The following NFIX variants were observed in gnomAD, a reference collection of about 807,000 sequenced individuals.
NFIX encodes the protein nuclear factor I X.
A neutral mutation model predicts 53.3 loss-of-function variants in NFIX; 2 were observed. That is an observed-to-expected ratio of 0.04 (90% CI 0.02 to 0.12). NFIX has a LOEUF of 0.12. Ranked by LOEUF, NFIX falls within the 10% of genes least tolerant of loss-of-function variation. The probability of loss-of-function intolerance (pLI) is 1.00; values close to 1 mark genes in which losing one functional copy is unlikely to be tolerated. For missense variants in NFIX, 310 were observed against 674.5 expected (o/e 0.46, Z 5.99); for synonymous variants, 244 against 289.0 (o/e 0.84, Z 1.58).
Position 13,012,054 on chromosome 19 carries a change from A to T in NFIX, c.28-12967A>T, listed in dbSNP as rs2012378072. On this transcript the variant is annotated intron_variant, in intron 1 of 10. Coordinates refer to ENST00000592199, the MANE Select transcript of NFIX (RefSeq NM_001365902.3). The surrounding 1 kb of genome is among the most constrained non-coding windows in gnomAD (Gnocchi z 5.0). ...ACAGCACATGCCTGGACCGTGCAGG[A>T]GGCCCAGAACCGGGGCGCGAAGGGG... The T allele has an allele frequency of 6.6e-6, 1 of 152,260 alleles. No homozygotes were observed. Among genetic ancestry groups the T allele is most frequent in the African/African-American group, 2.4e-5 (1 of 41,432 alleles). The allele number at this position is 152,260 out of a possible 1,614,324, so 9.4% of individuals were successfully genotyped here. A position where few individuals can be genotyped will look rare whatever the true frequency, so the allele number is the denominator to read the frequency against.
In NFIX at chr19:13,024,571, G is replaced by T. The variant is rs908375112; in HGVS notation, c.28-450G>T. On this transcript the variant is annotated intron_variant, in intron 1 of 10. Transcript: ENST00000592199. The stretch of plus-strand genomic sequence containing the variant: ...CACGCCCCCGCGTGTGCGTCCACGG[G>T]CGTCTGTGCAGACGGACACTGTGCC... 4 of 1,534,850 alleles carry T rather than the reference G, an allele frequency of 2.6e-6. No homozygotes were observed. In the East Asian group the frequency reaches 9.8e-5, roughly 38 times the overall value.
intron 1 of NFIX, among the ~76,000 whole-genome samples, chr19:13,018,020 G>A (rs952309028): frequency 6.6e-6 from 1 of 152,362 alleles, no homozygotes; most frequent in Admixed American, 6.5e-5. Context: ...GGAGAAGAGA[G>A]CTTTGGCCTT....
intron 2 of NFIX, among the ~76,000 whole-genome samples, chr19:13,031,923 G>A (rs541009756): frequency 6.6e-6 from 1 of 152,218 alleles, no homozygotes; most frequent in African/African-American, 2.4e-5. Flanking sequence ...TAGGGAAGAA[G>A]GTGACTCCCT....
At position 13,078,161 on chromosome 19, in the gene NFIX, C is replaced by T. The variant is rs1440748506; in HGVS notation, c.956-452C>T. 6.6e-6 allele frequency among the ~76,000 whole-genome samples: 1 copy of T among 152,162 alleles called. No individual in the cohort carries two copies. The highest frequency in any genetic ancestry group is 1.5e-5 in the Non-Finnish European group (1 of 68,006). ...CCTGGCTTCTTCCCACCAGAACCTC[C>T]CATGGCCCCGGGCACCATGGCATAG... On this transcript the variant is annotated intron_variant, in intron 6 of 10. Transcript: ENST00000592199. This position sits in a 1 kb window ranked among gnomAD's most constrained non-coding sequence, Gnocchi z 4.7.
At position 13,001,635 on chromosome 19, in the gene NFIX, C is replaced by T. The variant is rs763951104; in HGVS notation, c.27+5771C>T. On this transcript the variant is annotated intron_variant, in intron 1 of 10. Coordinates refer to ENST00000592199, the MANE Select transcript of NFIX (RefSeq NM_001365902.3). The surrounding 1 kb of genome is among the most constrained non-coding windows in gnomAD (Gnocchi z 6.5). ...TGTCTCACACACGTGTTGGCCTGTC[C>T]GTGTCAACTTGTGTCCACATACGTG... Among the ~76,000 whole-genome samples, 6 of 152,152 alleles carry T rather than the reference C, an allele frequency of 3.9e-5. No homozygotes were observed. Among genetic ancestry groups the T allele is most frequent in the African/African-American group, 1.2e-4 (5 of 41,434 alleles).
Position 13,002,766 on chromosome 19 carries a change from C to A in NFIX, c.27+6902C>A, listed in dbSNP as rs1476798992. Among the ~76,000 whole-genome samples, 4 of 152,176 alleles carry A rather than the reference C, an allele frequency of 2.6e-5. No individual in the cohort carries two copies. Among genetic ancestry groups the A allele is most frequent in the African/African-American group, 9.7e-5 (4 of 41,446 alleles). On this transcript the variant is annotated intron_variant, in intron 1 of 10. Transcript: ENST00000592199. The surrounding 1 kb of genome is among the most constrained non-coding windows in gnomAD (Gnocchi z 6.1). ...CAGCCAATCGGAAGCCGGGGTTGCA[C>A]TGGGGAGCTCTCCCCCCACTGGGCC...
Position 13,002,127 on chromosome 19 carries a change from G to A in NFIX, c.27+6263G>A, listed in dbSNP as rs2011738360. Among the ~76,000 whole-genome samples the A allele has an allele frequency of 6.6e-6, 1 of 152,026 alleles. No individual in the cohort carries two copies. Among genetic ancestry groups the A allele is most frequent in the Admixed American group, 6.5e-5 (1 of 15,282 alleles). On this transcript the variant is annotated intron_variant, in intron 1 of 10. Coordinates refer to ENST00000592199, the MANE Select transcript of NFIX (RefSeq NM_001365902.3). This position sits in a 1 kb window ranked among gnomAD's most constrained non-coding sequence, Gnocchi z 6.1. ...CAGGCCCTGGGCCCCACACCCCTGG[G>A]CCACCCGCCATCCCTCCGAGGCTCT...
In NFIX at chr19:13,078,999, A is replaced by G. The variant is rs1399179027; in HGVS notation, c.1078+264A>G. 6.6e-6 allele frequency among the ~76,000 whole-genome samples: 1 copy of G among 152,176 alleles called. No homozygotes were observed. The highest frequency in any genetic ancestry group is 1.9e-4 in the East Asian group (1 of 5,186). On this transcript the variant is annotated intron_variant, in intron 7 of 10. Transcript: ENST00000592199. The surrounding 1 kb of genome is among the most constrained non-coding windows in gnomAD (Gnocchi z 4.7). ...CACTCCTCACGTGCATGGGTGCTAC[A>G]TACAACACAAGCCTGTCCCGAGTCC... is the stretch of plus-strand genomic sequence containing the variant.
intron 1 of NFIX, chr19:13,024,493 C>T: frequency 6.7e-7 from 1 of 1,495,824 alleles, no homozygotes. Context: ...CATTTTCTGT[C>T]TTCTTGGGGG....
At chr19:13,010,845 A>C (rs940692503) in intron 1 of NFIX, among the ~76,000 whole-genome samples, 3 of 152,130 alleles carry the variant, frequency 2.0e-5, no homozygotes, top group African/African-American at 7.2e-5. Context: ...GCCGGCAGGG[A>C]AGGGAGGCCT....
rs2011531282 is a variant in NFIX at position 12,998,040 on chromosome 19, C to T, written c.27+2176C>T. On this transcript the variant is annotated intron_variant, in intron 1 of 10. Coordinates refer to ENST00000592199, the MANE Select transcript of NFIX (RefSeq NM_001365902.3). The surrounding 1 kb of genome is among the most constrained non-coding windows in gnomAD (Gnocchi z 4.4). The stretch of plus-strand genomic sequence containing the variant: ...TGGGGTCTGGCCTGCCCCTCCCTAA[C>T]AATCACATCTCTGTTTTTACAAATC... 6.6e-6 allele frequency among the ~76,000 whole-genome samples: 1 copy of T among 152,166 alleles called. No individual in the cohort carries two copies. The highest frequency in any genetic ancestry group is 1.5e-5 in the Non-Finnish European group (1 of 68,018).
Position 13,051,927 on chromosome 19 carries a change from C to T in NFIX, c.560-21120C>T, listed in dbSNP as rs192699149. 4.1e-4 allele frequency among the ~76,000 whole-genome samples: 63 copies of T among 152,338 alleles called. 1 individual carries two copies. In the Middle Eastern group the frequency reaches 0.027, roughly 66 times the overall value. On this transcript the variant is annotated intron_variant, in intron 2 of 10. Coordinates refer to ENST00000592199, the MANE Select transcript of NFIX (RefSeq NM_001365902.3). This position sits in a 1 kb window ranked among gnomAD's most constrained non-coding sequence, Gnocchi z 5.1. Reference sequence around the variant, plus strand: ...CTTAGGCGCCGCCTCCTCCTCACAGCGCCCGCCTTCTCCGCTCCGGCTTCA... The same window carrying T: ...CTTAGGCGCCGCCTCCTCCTCACAGTGCCCGCCTTCTCCGCTCCGGCTTCA...
chr19:13,037,679 C>T lies in NFIX; in HGVS notation c.559+12127C>T, dbSNP rs1380085780. The stretch of plus-strand genomic sequence containing the variant: ...CTCAGAGTTTCACAGCCCCTCACCT[C>T]GGTAAACCCCTCAGTCTCCAGCAAA... On this transcript the variant is annotated intron_variant, in intron 2 of 10. Transcript: ENST00000592199. The surrounding 1 kb of genome is among the most constrained non-coding windows in gnomAD (Gnocchi z 4.2). 5.9e-5 allele frequency among the ~76,000 whole-genome samples: 9 copies of T among 152,180 alleles called. No individual in the cohort carries two copies. In the South Asian group the frequency reaches 1.0e-3, roughly 17 times the overall value.
At chr19:13,003,753 C>G (rs1006587831) in intron 1 of NFIX, among the ~76,000 whole-genome samples, 4 of 152,134 alleles carry the variant, frequency 2.6e-5, no homozygotes, top group Non-Finnish European at 5.9e-5. Context: ...ATCTACCCAT[C>G]TCAGCCTCCT....
At chr19:13,059,161 T>G (rs2015898054) in intron 2 of NFIX, among the ~76,000 whole-genome samples, 1 of 152,180 alleles carries the variant, frequency 6.6e-6, no homozygotes, top group African/African-American at 2.4e-5. Flanking sequence ...CATACTTAAT[T>G]GAATTAAAGG....
Position 13,052,762 on chromosome 19 carries a change from G to A in NFIX, c.560-20285G>A, listed in dbSNP as rs10410538. 0.1 allele frequency among the ~76,000 whole-genome samples: 15,866 copies of A among 152,130 alleles called. 1,557 individuals are homozygous for A. The highest frequency in any genetic ancestry group is 0.26 in the African/African-American group (10,613 of 41,398). ...CTTGGAACGGCTCGGCTCCAGGGCC[G>A]TGAGGTTGGCACCCCCTGCACCCGT... On this transcript the variant is annotated intron_variant, in intron 2 of 10. Transcript: ENST00000592199. The surrounding 1 kb of genome is among the most constrained non-coding windows in gnomAD (Gnocchi z 5.2).
At chr19:13,048,469 C>T (rs373803710) in intron 2 of NFIX, among the ~76,000 whole-genome samples, 27 of 151,636 alleles carry the variant, frequency 1.8e-4, no homozygotes, top group African/African-American at 5.6e-4. Context: ...TCAGTGTCTT[C>T]TCCTCTCTGT....
chr19:13,075,743 T>C (rs1237152042), intron 6 of NFIX, 72 bp downstream of exon 6: 2 of 1,534,302 alleles, frequency 1.3e-6, no homozygotes, highest in South Asian at 2.4e-5. Context: ...TCAGTTCACC[T>C]GGTGAGCCTC....
rs2011537523 is a variant in NFIX, at chr19:12,998,220, T to C, written c.27+2356T>C. 6.6e-6 allele frequency among the ~76,000 whole-genome samples: 1 copy of C among 152,188 alleles called. No homozygotes were observed. Among genetic ancestry groups the C allele is most frequent in the Admixed American group, 6.5e-5 (1 of 15,272 alleles). ...CTCTGTCCTTTTGTATGTCTCTGAC[T>C]GTCTCTGTCTCTGATTCCAGTTTTG... On this transcript the variant is annotated intron_variant, in intron 1 of 10. Coordinates refer to ENST00000592199, the MANE Select transcript of NFIX (RefSeq NM_001365902.3). The surrounding 1 kb of genome is among the most constrained non-coding windows in gnomAD (Gnocchi z 4.4).
Sources: allele counts gnomAD v4.1 joint callset (sites outside exome capture counted in the v4.1 genomes callset), GRCh38; gene constraint gnomAD v4.1.1; non-coding constraint Gnocchi (gnomAD v3.1); transcripts MANE v1.5; gene names NCBI Gene and HGNC (gene_info 2026-07-23, HGNC 2026-07-21).